Variants in CDKAL1 observed in about 807,000 individuals in gnomAD.
The protein encoded by CDKAL1 is threonylcarbamoyladenosine tRNA methylthiotransferase.
CDKAL1 carries 32 observed loss-of-function variants against 68.2 expected under a neutral mutation model. The observed-to-expected ratio is 0.47, with a 90% CI of 0.35 to 0.63. The LOEUF (loss-of-function observed/expected upper bound fraction) is 0.63, where lower values mean the gene tolerates loss of function less well. CDKAL1 is among the 30% of genes least tolerant of loss of function. The probability of loss-of-function intolerance (pLI) is 0.00; values close to 1 mark genes in which losing one functional copy is unlikely to be tolerated. For synonymous variants in CDKAL1, 234 were observed against 244.3 expected, an observed-to-expected ratio of 0.96 and a Z score of 0.39; for missense variants, 606 against 696.7, an observed-to-expected ratio of 0.87 and a Z score of 1.47.
At chr6:21,186,635 T>A (rs1778025721) in intron 13 of CDKAL1, among the ~76,000 whole-genome samples, 1 of 152,166 alleles carries the variant, frequency 6.6e-6, no homozygotes. Flanking sequence ...AATTTAATGG[T>A]CAAAAAGAGC....
intron 10 of CDKAL1, among the ~76,000 whole-genome samples, chr6:20,961,632 T>TGGC (rs1765061707): frequency 6.6e-6 from 1 of 151,954 alleles, no homozygotes; most frequent in South Asian, 2.1e-4. Context: ...CCGGGTGTGG[T>TGGC]GGCGGGTGCC....
chr6:21,082,049 T>C (rs1772434837), intron 12 of CDKAL1, among the ~76,000 whole-genome samples: 1 of 147,592 alleles, frequency 6.8e-6, no homozygotes, highest in East Asian at 2.7e-4. Context: ...TAATCTAACA[T>C]GAAACTCTTT....
intron 6 of CDKAL1, among the ~76,000 whole-genome samples, chr6:20,750,752 T>C (rs984466198): frequency 9.2e-5 from 14 of 151,838 alleles, no homozygotes; most frequent in African/African-American, 3.1e-4. Flanking sequence ...TCACTTGAGG[T>C]CAGGAGTTCG....
chr6:20,888,157 G>C (rs1761185640), intron 9 of CDKAL1, among the ~76,000 whole-genome samples: 1 of 151,928 alleles, frequency 6.6e-6, no homozygotes, highest in African/African-American at 2.4e-5. Context: ...CCTGGTGTGT[G>C]ATGTTCCCAG....
At chr6:21,060,668 C>T (rs978047917) in intron 11 of CDKAL1, among the ~76,000 whole-genome samples, 1 of 151,930 alleles carries the variant, frequency 6.6e-6, no homozygotes, top group Non-Finnish European at 1.5e-5. Flanking sequence ...CTAAGCACTG[C>T]TTTAGTTGCA....
At chr6:21,098,075 T>C (rs1396321979) in intron 12 of CDKAL1, among the ~76,000 whole-genome samples, 3 of 152,244 alleles carry the variant, frequency 2.0e-5, no homozygotes. Context: ...GCTTTCTTTC[T>C]GTCTCACTAG....
At chr6:20,675,315 C>A (rs968674597) in intron 5 of CDKAL1, among the ~76,000 whole-genome samples, 1 of 152,118 alleles carries the variant, frequency 6.6e-6, no homozygotes, top group Non-Finnish European at 1.5e-5. Flanking sequence ...GAGAACACAT[C>A]TGGTCCTTTT....
At chr6:20,619,259 G>A (rs1326701411) in intron 4 of CDKAL1, among the ~76,000 whole-genome samples, 2 of 152,130 alleles carry the variant, frequency 1.3e-5, no homozygotes, top group African/African-American at 4.8e-5. Context: ...AAAATAGAAA[G>A]CCAGAGGTTG....
intron 10 of CDKAL1, among the ~76,000 whole-genome samples, chr6:20,988,703 G>T (rs981708281): frequency 1.3e-5 from 2 of 152,132 alleles, no homozygotes; most frequent in Non-Finnish European, 2.9e-5. Context: ...AGGCTGGAGT[G>T]CAGTGGCACG....
At chr6:20,988,359 C>T (rs1561940212) in intron 10 of CDKAL1, among the ~76,000 whole-genome samples, 1 of 152,052 alleles carries the variant, frequency 6.6e-6, no homozygotes, top group African/African-American at 2.4e-5. Context: ...TCTGGAAATA[C>T]CCTCACAGAC....
rs548912524 is a variant in CDKAL1, at chr6:20,648,423, C to T, written c.287-870C>T. ...GATTACGGGAGTGAGCCACTGCGCC[C>T]GGTAGAATTTTTTGGCGTGTGTGCC... On this transcript the variant is annotated intron_variant, in intron 4 of 15. Coordinates refer to ENST00000274695, the MANE Select transcript of CDKAL1 (RefSeq NM_017774.3). 2.1e-4 allele frequency among the ~76,000 whole-genome samples: 32 copies of T among 151,884 alleles called. No homozygotes were observed. In the South Asian group the frequency reaches 5.6e-3, roughly 27 times the overall value.
At chr6:21,025,865 A>G (rs915159853) in intron 11 of CDKAL1, among the ~76,000 whole-genome samples, 32 of 152,144 alleles carry the variant, frequency 2.1e-4, no homozygotes, top group Non-Finnish European at 4.0e-4. Context: ...AAAAAAGAAT[A>G]CAATGCATGT....
At chr6:20,954,946 C>T (rs1764709412) in intron 9 of CDKAL1, among the ~76,000 whole-genome samples, 1 of 152,094 alleles carries the variant, frequency 6.6e-6, no homozygotes, top group African/African-American at 2.4e-5. Context: ...AAATGGATAC[C>T]TTATAATTAA....
At chr6:20,642,210 A>T (rs1768210682) in intron 4 of CDKAL1, among the ~76,000 whole-genome samples, 1 of 152,140 alleles carries the variant, frequency 6.6e-6, no homozygotes, top group Non-Finnish European at 1.5e-5. Context: ...GAATAGAGGA[A>T]GTGTTCTAAT....
chr6:20,873,636 TTAGAA>T (rs1760337849), intron 9 of CDKAL1, among the ~76,000 whole-genome samples: 1 of 152,144 alleles, frequency 6.6e-6, no homozygotes, highest in African/African-American at 2.4e-5. Flanking sequence ...TAATCAGTAT[TTAGAA>T]TAGGGGCCAT....
At position 21,032,393 on chromosome 6, in the gene CDKAL1, A is replaced by T. The variant is rs568059363; in HGVS notation, c.1055+32021A>T. ...CTGGCTATTTCCCCTTTATTTCTTTACTCCAGAAATGTTCAAAACAGCGGA... is the reference window on the plus strand; with the variant it reads ...CTGGCTATTTCCCCTTTATTTCTTTTCTCCAGAAATGTTCAAAACAGCGGA... On this transcript the variant is annotated intron_variant, in intron 11 of 15. Transcript: ENST00000274695. Among the ~76,000 whole-genome samples the T allele has an allele frequency of 2.0e-3, 303 of 151,984 alleles. 1 individual carries two copies. Among genetic ancestry groups the T allele is most frequent in the African/African-American group, 6.9e-3 (288 of 41,462 alleles).
At chr6:20,617,840 C>G (rs1366698487) in intron 4 of CDKAL1, among the ~76,000 whole-genome samples, 1 of 152,098 alleles carries the variant, frequency 6.6e-6, no homozygotes, top group East Asian at 1.9e-4. Flanking sequence ...GGGTTGGTTC[C>G]AAGTCTTTGC....
chr6:20,567,326 T>C (rs1444755352), intron 4 of CDKAL1, among the ~76,000 whole-genome samples: 1 of 151,942 alleles, frequency 6.6e-6, no homozygotes, highest in Admixed American at 6.5e-5. Flanking sequence ...GTTGTTATGA[T>C]TAATAAATGG....
At chr6:21,019,630 G>A (rs930732156) in intron 11 of CDKAL1, among the ~76,000 whole-genome samples, 6 of 152,198 alleles carry the variant, frequency 3.9e-5, no homozygotes, top group African/African-American at 1.4e-4. Context: ...ACTTGTAGCA[G>A]CAGCCTGTGG....
Sources: allele counts gnomAD v4.1 joint callset (sites outside exome capture counted in the v4.1 genomes callset), GRCh38; gene constraint gnomAD v4.1.1; transcripts MANE v1.5; gene names NCBI Gene and HGNC (gene_info 2026-07-23, HGNC 2026-07-21).